NEO1: variants seen among roughly 807,000 people sequenced by gnomAD.
NEO1 encodes neogenin.
Under a neutral mutation model 159.7 loss-of-function variants are expected in NEO1, and 63 were observed. The observed-to-expected ratio is 0.39, with a 90% CI of 0.32 to 0.49. NEO1 has a LOEUF of 0.49. Ranked by LOEUF, NEO1 falls within the 20% of genes least tolerant of loss-of-function variation. The pLI, the probability that NEO1 is intolerant of heterozygous loss-of-function variation, is 0.85. For missense variants in NEO1, 1,615 were observed against 1,831.0 expected (o/e 0.88, Z 2.15); for synonymous variants, 633 against 662.0 (o/e 0.96, Z 0.67).
chr15:73,221,079 G>A (rs1275982736), intron 7 of NEO1, among the ~76,000 whole-genome samples: 1 of 152,122 alleles, frequency 6.6e-6, no homozygotes, highest in Non-Finnish European at 1.5e-5. Context: ...GGTCTTTGAT[G>A]ATGGTGATGT....
rs573075769 is a variant in NEO1, at chr15:73,210,398, T to C, written c.1292-25949T>C. ...AATCCAGAAGGCAAGTTGGGCCTCA[T>C]TGGCACCAACCATCAAGGACTTCAT... On this transcript the variant is annotated intron_variant, in intron 7 of 28. Transcript: ENST00000261908. Among the ~76,000 whole-genome samples the C allele has an allele frequency of 1.2e-3, 180 of 152,330 alleles. 1 individual carries two copies. The highest frequency in any genetic ancestry group is 4.1e-3 in the African/African-American group (170 of 41,584).
chr15:73,211,400 CTG>C (rs2037554001), intron 7 of NEO1, among the ~76,000 whole-genome samples: 1 of 152,170 alleles, frequency 6.6e-6, no homozygotes, highest in African/African-American at 2.4e-5. Flanking sequence ...CTCAGTGAGA[CTG>C]AGATCAGAGT....
chr15:73,169,779 C>T (rs2151926360), intron 5 of NEO1, among the ~76,000 whole-genome samples: 1 of 150,046 alleles, frequency 6.7e-6, no homozygotes, highest in East Asian at 2.0e-4. Flanking sequence ...GAACATGGTA[C>T]CTTAGTAGTT....
chr15:73,291,881 G>A (rs1303087342), intron 25 of NEO1, among the ~76,000 whole-genome samples: 1 of 152,076 alleles, frequency 6.6e-6, no homozygotes, highest in Admixed American at 6.6e-5. Context: ...ACTTTCCTAG[G>A]TAAAAATCAG....
chr15:73,091,948 G>A (rs1029841057), intron 1 of NEO1, among the ~76,000 whole-genome samples: 4 of 151,930 alleles, frequency 2.6e-5, no homozygotes, highest in Non-Finnish European at 4.4e-5. Context: ...TCTTTCATGT[G>A]ACAGTTGCAA....
intron 23 of NEO1, among the ~76,000 whole-genome samples, chr15:73,283,438 G>C (rs920240964): frequency 6.6e-6 from 1 of 152,218 alleles, no homozygotes; most frequent in Non-Finnish European, 1.5e-5. Context: ...GGAGAGAGCT[G>C]TTTTCAGAAA....
chr15:73,269,319 A>T (rs2041061854), intron 16 of NEO1, among the ~76,000 whole-genome samples: 1 of 152,166 alleles, frequency 6.6e-6, no homozygotes, highest in South Asian at 2.1e-4. Context: ...TGTACCCCTG[A>T]TTCTAAAAGC....
chr15:73,203,894 T>G (rs1430584367), intron 7 of NEO1, among the ~76,000 whole-genome samples: 1 of 152,142 alleles, frequency 6.6e-6, no homozygotes, highest in African/African-American at 2.4e-5. Context: ...TAAAAGATTT[T>G]ATTTTACCTT....
intron 1 of NEO1, among the ~76,000 whole-genome samples, chr15:73,054,735 T>G (rs930333480): frequency 6.6e-6 from 1 of 152,136 alleles, no homozygotes; most frequent in South Asian, 2.1e-4. Flanking sequence ...ACCGCTCTGC[T>G]TCATTACAAA....
intron 7 of NEO1, among the ~76,000 whole-genome samples, chr15:73,220,671 C>A (rs2038191878): frequency 6.6e-6 from 1 of 151,772 alleles, no homozygotes; most frequent in African/African-American, 2.4e-5. Flanking sequence ...GCTTCATTTC[C>A]TTCATTTCAT....
intron 1 of NEO1, among the ~76,000 whole-genome samples, chr15:73,094,245 G>A (rs2069871113): frequency 6.6e-6 from 1 of 152,028 alleles, no homozygotes; most frequent in Non-Finnish European, 1.5e-5. Context: ...CATTTCTCAT[G>A]TTCCCCGGTC....
intron 1 of NEO1, among the ~76,000 whole-genome samples, chr15:73,055,170 C>G (rs1798920475): frequency 6.6e-6 from 1 of 152,148 alleles, no homozygotes; most frequent in African/African-American, 2.4e-5. Flanking sequence ...GGGCAGATTA[C>G]TGAAAAGATA....
intron 1 of NEO1, among the ~76,000 whole-genome samples, chr15:73,079,792 ATGAGAACTTGTGTTCT>A (rs2068952967): frequency 6.6e-6 from 1 of 152,188 alleles, no homozygotes; most frequent in African/African-American, 2.4e-5. Flanking sequence ...TTATTAGGAA[ATGAGAACTTGTGTTCT>A]TGTTCAGTCA....
At chr15:73,173,802 A>G (rs1380867533) in intron 5 of NEO1, among the ~76,000 whole-genome samples, 2 of 152,158 alleles carry the variant, frequency 1.3e-5, no homozygotes, top group Non-Finnish European at 2.9e-5. Context: ...CAAATTTAAT[A>G]TAAAGAATTA....
chr15:73,279,980 T>C (rs1328983639), intron 22 of NEO1, among the ~76,000 whole-genome samples: 1 of 152,228 alleles, frequency 6.6e-6, no homozygotes. Context: ...CTAAGAAATA[T>C]GAGCTTTATC....
At chr15:73,255,011 G>A (rs1459933490) in intron 13 of NEO1, among the ~76,000 whole-genome samples, 182 bp downstream of exon 13, 3 of 152,160 alleles carry the variant, frequency 2.0e-5, no homozygotes, top group Non-Finnish European at 4.4e-5. Context: ...ACTCTTAAAG[G>A]TTCTGCTATT....
At chr15:73,129,576 G>T (rs551963503) in intron 4 of NEO1, among the ~76,000 whole-genome samples, 2 of 152,240 alleles carry the variant, frequency 1.3e-5, no homozygotes, top group East Asian at 3.9e-4. Context: ...TAATGAAAGA[G>T]GGGGGTGGAA....
chr15:73,146,180 AT>A (rs2032882755), intron 5 of NEO1, among the ~76,000 whole-genome samples: 1 of 151,988 alleles, frequency 6.6e-6, no homozygotes, highest in Non-Finnish European at 1.5e-5. Flanking sequence ...TCACATTTAC[AT>A]TTTCCCCCCA....
chr15:73,136,004 C>T lies in NEO1; in HGVS notation c.992C>T (p.Ala331Val). ...GATAATGGAAATGAGACAATTGAAGCTCAAGCAGAGCTTACAGTGCAAGGT... is the reference window on the plus strand; with the variant it reads ...GATAATGGAAATGAGACAATTGAAGTTCAAGCAGAGCTTACAGTGCAAGGT... ...IADNGNETIEAQAELTVQAQP... is the reference protein window; with the variant it reads ...IADNGNETIEVQAELTVQAQP... The change falls in exon 5 of 29, where the codon GCT (alanine) becomes GTT (valine). Residue 331 changes from alanine to valine, a missense_variant. This residue lies in a region of NEO1 where 1,018 missense variants were observed against 1,115.4 expected (regional missense o/e 0.91). Coordinates refer to ENST00000261908, the MANE Select transcript of NEO1 (RefSeq NM_002499.4). 1.2e-6 allele frequency: 2 copies of T among 1,610,546 alleles called. No homozygotes were observed. Among genetic ancestry groups the T allele is most frequent in the Non-Finnish European group, 1.7e-6 (2 of 1,178,976 alleles).
Sources: gnomAD v4.1 joint callset for allele counts (sites outside exome capture counted in the v4.1 genomes callset) on GRCh38, gnomAD v4.1.1 for gene constraint, gnomAD v4.1.1 regional missense constraint, MANE v1.5 for transcripts, NCBI Gene and HGNC (gene_info 2026-07-23, HGNC 2026-07-21) for gene names.